The following CCDC38 variants were observed in gnomAD, a reference collection of about 807,000 sequenced individuals.
CCDC38 encodes coiled-coil domain-containing protein 38.
In CCDC38, 69 loss-of-function variants were observed where a neutral mutation model predicts 72.8. The observed-to-expected ratio is 0.95, with a 90% CI of 0.78 to 1.16. The LOEUF is 1.16. CCDC38 is among the 50% of genes most tolerant of loss of function. The probability of loss-of-function intolerance (pLI) is 0.00; values close to 1 mark genes in which losing one functional copy is unlikely to be tolerated. For synonymous variants in CCDC38, 201 were observed against 213.2 expected (o/e 0.94, Z 0.50); for missense variants, 626 against 638.9 (o/e 0.98, Z 0.22).
intron 14 of CCDC38, among the ~76,000 whole-genome samples, 157 bp downstream of exon 14, chr12:95,872,098 G>T (rs1409918780): frequency 2.0e-5 from 3 of 152,034 alleles, no homozygotes; most frequent in African/African-American, 7.3e-5. Context: ...GATCTCCCAT[G>T]CTAAATAATA....
chr12:95,917,311 G>T lies in CCDC38; in HGVS notation c.139-17C>A, dbSNP rs937250484. ...AAATTTTTCCTGCCCAAGTGGAAAA[G>T]TTGAAAAGAATTTTTAATATACCAA... On this transcript the variant is annotated splice_polypyrimidine_tract_variant and intron_variant, in intron 3 of 15. Transcript: ENST00000344280. 1.3e-6 allele frequency: 2 copies of T among 1,572,160 alleles called. No individual in the cohort carries two copies. Among genetic ancestry groups the T allele is most frequent in the South Asian group, 1.2e-5 (1 of 82,372 alleles).
At chr12:95,921,901 G>T (rs929834243) in intron 2 of CCDC38, among the ~76,000 whole-genome samples, 3 of 152,104 alleles carry the variant, frequency 2.0e-5, no homozygotes, top group Admixed American at 2.0e-4. Flanking sequence ...CAAATCACTA[G>T]AATCATTTTG....
chr12:95,885,192 C>T (rs144280620), intron 10 of CCDC38: 2 of 153,178 alleles, frequency 1.3e-5, no homozygotes, highest in African/African-American at 4.8e-5. Context: ...TGCCCTTAGG[C>T]GGGTCCTTCC....
chr12:95,916,870 A>G (rs2080150172), intron 4 of CCDC38, among the ~76,000 whole-genome samples: 1 of 152,136 alleles, frequency 6.6e-6, no homozygotes, highest in African/African-American at 2.4e-5. Context: ...CGCTTTTGCA[A>G]ACTTTAATAC....
chr12:95,917,502 A>C (rs954175469), intron 3 of CCDC38, among the ~76,000 whole-genome samples: 2 of 152,168 alleles, frequency 1.3e-5, no homozygotes, highest in Non-Finnish European at 2.9e-5. Context: ...AAATATGTAC[A>C]TCACAAATAC....
chr12:95,917,732 C>T (rs532247164), intron 3 of CCDC38, among the ~76,000 whole-genome samples: 3 of 151,916 alleles, frequency 2.0e-5, no homozygotes, highest in African/African-American at 4.8e-5. Context: ...ATTAGCCGGG[C>T]GTGGTGACGG....
At chr12:95,927,870 A>T (rs2080290110) in intron 2 of CCDC38, among the ~76,000 whole-genome samples, 1 of 147,150 alleles carries the variant, frequency 6.8e-6, no homozygotes, top group Admixed American at 6.8e-5. Context: ...ATTGGCCCCC[A>T]CTCTCTTCTG....
intron 4 of CCDC38, among the ~76,000 whole-genome samples, chr12:95,907,570 AG>A (rs1565956424): frequency 7.7e-6 from 1 of 129,130 alleles, no homozygotes; most frequent in Admixed American, 7.1e-5. Flanking sequence ...GCGGCTGGCC[AG>A]GCGGGGGACT....
intron 8 of CCDC38, among the ~76,000 whole-genome samples, chr12:95,893,642 C>T (rs990425208): frequency 6.6e-6 from 1 of 151,856 alleles, no homozygotes; most frequent in Non-Finnish European, 1.5e-5. Context: ...TCACCACGCC[C>T]AGCTAATATT....
chr12:95,923,272 A>G (rs965129069), intron 2 of CCDC38, among the ~76,000 whole-genome samples: 8 of 152,002 alleles, frequency 5.3e-5, no homozygotes, highest in African/African-American at 1.4e-4. Flanking sequence ...TGAGCCAATT[A>G]CTCATAGTAA....
intron 5 of CCDC38, among the ~76,000 whole-genome samples, chr12:95,904,883 C>G (rs937819436): frequency 6.6e-6 from 1 of 152,130 alleles, no homozygotes; most frequent in Non-Finnish European, 1.5e-5. Context: ...GATTACCACC[C>G]GGAAGTCAAG....
chr12:95,872,444 G>A lies in CCDC38; in HGVS notation c.1295C>T (p.Ser432Leu), dbSNP rs763099926. ...TACTTGAGTAATCTTTTTACTAAGT[G>A]AGTCTATCAGTATTTCCTGAGATTG... ...NSDAQEILID[S>L]LSKKITQVYK... Residue 432 changes from serine (S) to leucine (L), a missense_variant, in exon 14 of 16, where the codon TCA becomes TTA. Coordinates refer to ENST00000344280, the MANE Select transcript of CCDC38 (RefSeq NM_182496.3). The A allele has an allele frequency of 6.2e-6, 10 of 1,612,114 alleles. No individual in the cohort carries two copies. In the South Asian group the frequency reaches 9.9e-5, roughly 16 times the overall value.
At chr12:95,910,875 A>G (rs1212726404) in intron 4 of CCDC38, among the ~76,000 whole-genome samples, 2 of 152,192 alleles carry the variant, frequency 1.3e-5, no homozygotes, top group Non-Finnish European at 2.9e-5. Flanking sequence ...AAATGAATAA[A>G]TAATTCATAA....
chr12:95,892,412 G>C (rs2079838549), intron 8 of CCDC38, among the ~76,000 whole-genome samples: 1 of 145,672 alleles, frequency 6.9e-6, no homozygotes, highest in South Asian at 2.2e-4. Flanking sequence ...AGCCTCCCTA[G>C]TGGTAGAACT....
At chr12:95,874,007 A>G (rs756866403) in intron 13 of CCDC38, among the ~76,000 whole-genome samples, 1 of 152,232 alleles carries the variant, frequency 6.6e-6, no homozygotes, top group Non-Finnish European at 1.5e-5. Flanking sequence ...TATAAAAGAA[A>G]ACAGCAAAAG....
chr12:95,931,011 C>T (rs1044281936), intron 2 of CCDC38, among the ~76,000 whole-genome samples: 1 of 152,204 alleles, frequency 6.6e-6, no homozygotes, highest in African/African-American at 2.4e-5. Context: ...CTCTGCCTCA[C>T]TGTATTAGTT....
chr12:95,871,963 G>T (rs993233036), intron 14 of CCDC38, among the ~76,000 whole-genome samples: 1 of 152,028 alleles, frequency 6.6e-6, no homozygotes, highest in African/African-American at 2.4e-5. Context: ...GCTTTTCCAG[G>T]CTAGTTTGTC....
At chr12:95,891,479 G>T (rs1328915785) in intron 8 of CCDC38, among the ~76,000 whole-genome samples, 1 of 152,182 alleles carries the variant, frequency 6.6e-6, no homozygotes, top group East Asian at 1.9e-4. Context: ...CAGAGTAGCT[G>T]GGACTACAGG....
chr12:95,932,702 C>A (rs886999931), intron 2 of CCDC38, among the ~76,000 whole-genome samples: 5 of 152,104 alleles, frequency 3.3e-5, no homozygotes, highest in African/African-American at 1.2e-4. Flanking sequence ...CAATTCTCCA[C>A]GAATGATCAA....
Sources: allele counts gnomAD v4.1 joint callset (sites outside exome capture counted in the v4.1 genomes callset), GRCh38; gene constraint gnomAD v4.1.1; transcripts MANE v1.5; gene names NCBI Gene and HGNC (gene_info 2026-07-23, HGNC 2026-07-21).